The following CDH12 variants were observed in gnomAD, a reference collection of about 807,000 sequenced individuals.
The protein encoded by CDH12 is cadherin-12.
Under a neutral mutation model 74.1 loss-of-function variants are expected in CDH12, and 41 were observed. That is an observed-to-expected ratio of 0.55 (90% CI 0.43 to 0.72). The LOEUF is 0.72. Among genes scored for constraint, CDH12 ranks in the 30% least tolerant of loss-of-function variants. The pLI, the probability that CDH12 is intolerant of heterozygous loss-of-function variation, is 0.00. For missense variants in CDH12, 945 were observed against 977.2 expected, an observed-to-expected ratio of 0.97 and a Z score of 0.44; for synonymous variants, 399 against 355.0, an observed-to-expected ratio of 1.12 and a Z score of -1.39.
intron 2 of CDH12, among the ~76,000 whole-genome samples, chr5:22,411,327 AATC>A (rs1743161175): frequency 6.6e-6 from 1 of 151,928 alleles, no homozygotes. Flanking sequence ...AGCAGATAGG[AATC>A]ATCATTTTAA....
At chr5:22,176,107 T>A (rs528802686) in intron 4 of CDH12, among the ~76,000 whole-genome samples, 1 of 152,140 alleles carries the variant, frequency 6.6e-6, no homozygotes, top group Non-Finnish European at 1.5e-5. Context: ...TCTCAGTGTA[T>A]ACATTATCTT....
intron 5 of CDH12, among the ~76,000 whole-genome samples, chr5:22,018,675 C>T (rs1737764540): frequency 6.6e-6 from 1 of 152,154 alleles, no homozygotes; most frequent in East Asian, 1.9e-4. Flanking sequence ...AATATCTTTC[C>T]AACAGATAGC....
intron 2 of CDH12, among the ~76,000 whole-genome samples, chr5:22,419,551 T>C (rs1211428643): frequency 6.6e-6 from 1 of 152,210 alleles, no homozygotes; most frequent in African/African-American, 2.4e-5. Context: ...AGTCTATCAT[T>C]GATGGGCTTT....
intron 6 of CDH12, among the ~76,000 whole-genome samples, chr5:21,900,530 T>C (rs1485349063): frequency 1.3e-5 from 2 of 152,124 alleles, no homozygotes; most frequent in African/African-American, 4.8e-5. Flanking sequence ...AAACAAACCA[T>C]GCCAATTCAT....
At chr5:22,584,287 A>G (rs1248334638) in intron 1 of CDH12, among the ~76,000 whole-genome samples, 2 of 152,040 alleles carry the variant, frequency 1.3e-5, no homozygotes, top group Non-Finnish European at 2.9e-5. Flanking sequence ...TTTAGCAGAG[A>G]CGGGGTTTCA....
chr5:22,432,908 C>A (rs2126524160), intron 2 of CDH12, among the ~76,000 whole-genome samples: 1 of 152,106 alleles, frequency 6.6e-6, no homozygotes, highest in South Asian at 2.1e-4. Context: ...TGTGGACGGC[C>A]AGAGTCAGTT....
intron 5 of CDH12, among the ~76,000 whole-genome samples, chr5:22,051,356 A>T (rs1306343088): frequency 1.3e-5 from 2 of 152,176 alleles, no homozygotes; most frequent in Non-Finnish European, 2.9e-5. Context: ...TACTTTCTTT[A>T]TTGAGTTGCC....
intron 3 of CDH12, among the ~76,000 whole-genome samples, chr5:22,237,502 A>G (rs552587432): frequency 2.9e-4 from 44 of 152,228 alleles, no homozygotes; most frequent in African/African-American, 4.6e-4. Flanking sequence ...GCTCCAGAGG[A>G]CTGCCTTACC....
chr5:22,552,726 C>T (rs1189615857), intron 1 of CDH12, among the ~76,000 whole-genome samples: 2 of 152,048 alleles, frequency 1.3e-5, no homozygotes, highest in Non-Finnish European at 2.9e-5. Flanking sequence ...CATGCCTGGC[C>T]AACACTCCCA....
At chr5:22,110,369 A>G (rs1344662051) in intron 4 of CDH12, among the ~76,000 whole-genome samples, 2 of 152,064 alleles carry the variant, frequency 1.3e-5, no homozygotes, top group Non-Finnish European at 2.9e-5. Flanking sequence ...GAAAAGTTTA[A>G]TAGACATGAG....
chr5:22,707,596 C>T (rs977500744), intron 1 of CDH12, among the ~76,000 whole-genome samples: 1 of 151,986 alleles, frequency 6.6e-6, no homozygotes, highest in African/African-American at 2.4e-5. Context: ...TGAGAGGGTC[C>T]TTAGAAAATG....
At chr5:22,726,860 G>A (rs1317111495) in intron 1 of CDH12, among the ~76,000 whole-genome samples, 3 of 151,396 alleles carry the variant, frequency 2.0e-5, no homozygotes, top group Admixed American at 2.0e-4. Context: ...CTAGAGCAGT[G>A]GATTATATAT....
At position 21,765,541 on chromosome 5, in the gene CDH12, C is replaced by CAA. The variant is rs200367776; in HGVS notation, c.1394-444_1394-443dup. 1.9e-3 allele frequency among the ~76,000 whole-genome samples: 162 copies of CAA among 83,864 alleles called. 1 individual carries two copies. The highest frequency in any genetic ancestry group is 0.015 in the Middle Eastern group (2 of 136). The allele number at this position is 83,864 out of a possible 152,430, so 55.0% of individuals were successfully genotyped here. The stretch of plus-strand genomic sequence containing the variant: ...TTCCTCCTGAAAAGAAGAACTATAA[C>CAA]AAAAAAAAAAAAAAAGGGGAAAGAA... On this transcript the variant is annotated intron_variant, in intron 11 of 14. Coordinates refer to ENST00000382254, the MANE Select transcript of CDH12 (RefSeq NM_004061.5).
At chr5:22,463,784 AAAG>A (rs1355964639) in intron 2 of CDH12, among the ~76,000 whole-genome samples, 1 of 152,192 alleles carries the variant, frequency 6.6e-6, no homozygotes, top group Admixed American at 6.5e-5. Context: ...AAATGATTTC[AAAG>A]TAGATATTAT....
At chr5:22,480,739 G>GT (rs1001691472) in intron 2 of CDH12, among the ~76,000 whole-genome samples, 1 of 152,108 alleles carries the variant, frequency 6.6e-6, no homozygotes, top group Admixed American at 6.5e-5. Flanking sequence ...GACTGCCATA[G>GT]TTTTTTCCAT....
intron 1 of CDH12, among the ~76,000 whole-genome samples, chr5:22,741,951 C>T (rs1274966183): frequency 6.6e-6 from 1 of 152,076 alleles, no homozygotes. Flanking sequence ...GAGGCAGAGA[C>T]AGGTGGATCA....
intron 3 of CDH12, among the ~76,000 whole-genome samples, chr5:22,292,980 T>C (rs1737460164): frequency 6.6e-6 from 1 of 152,100 alleles, no homozygotes; most frequent in Non-Finnish European, 1.5e-5. Flanking sequence ...TTCACATCTG[T>C]TCCCAACTTG....
chr5:22,382,760 GA>G (rs1471736111), intron 3 of CDH12, among the ~76,000 whole-genome samples: 2 of 152,036 alleles, frequency 1.3e-5, no homozygotes, highest in African/African-American at 4.8e-5. Flanking sequence ...TTTCTAAAAA[GA>G]AAAGGATTAC....
chr5:21,902,666 A>C (rs115041576), intron 6 of CDH12, among the ~76,000 whole-genome samples: 1 of 152,202 alleles, frequency 6.6e-6, no homozygotes, highest in Non-Finnish European at 1.5e-5. Context: ...AATGTTCTCT[A>C]TCTGCTCTGA....
Sources: gnomAD v4.1 joint callset for allele counts (sites outside exome capture counted in the v4.1 genomes callset) on GRCh38, gnomAD v4.1.1 for gene constraint, MANE v1.5 for transcripts, NCBI Gene and HGNC (gene_info 2026-07-23, HGNC 2026-07-21) for gene names.